AHCTF1: variants seen among roughly 807,000 people sequenced by gnomAD.
AHCTF1 encodes AT-hook containing transcription factor 1.
A neutral mutation model predicts 248.4 loss-of-function variants in AHCTF1; 24 were observed. The ratio of observed to expected loss-of-function variants is 0.10; its 90% CI spans 0.07 to 0.14. AHCTF1 has a LOEUF of 0.14. Ranked by LOEUF, AHCTF1 falls within the 10% of genes least tolerant of loss-of-function variation. The pLI, the probability that AHCTF1 is intolerant of heterozygous loss-of-function variation, is 1.00. For missense variants in AHCTF1, 2,206 were observed against 2,636.2 expected (o/e 0.84, Z 3.57); for synonymous variants, 786 against 929.8 (o/e 0.85, Z 2.81).
chr1:246,931,445 C>A, intron 1 of AHCTF1, 133 bp downstream of exon 1: 1 of 1,184,268 alleles, frequency 8.4e-7, no homozygotes, highest in Non-Finnish European at 1.1e-6. Flanking sequence ...CCGCGCACGC[C>A]CGGCCTAGGC....
At chr1:246,925,718 CTGGGTCA>C (rs1376088557) in intron 1 of AHCTF1, among the ~76,000 whole-genome samples, 1 of 152,106 alleles carries the variant, frequency 6.6e-6, no homozygotes, top group Non-Finnish European at 1.5e-5. Flanking sequence ...TAGGAGGTGT[CTGGGTCA>C]TGGGAGAGGA....
intron 32 of AHCTF1, chr1:246,852,032 C>T (rs1443239104): frequency 6.6e-6 from 1 of 152,656 alleles, no homozygotes; most frequent in Non-Finnish European, 1.5e-5. Context: ...ATGGTCCTTG[C>T]AATTACCTTT....
chr1:246,931,428 G>A lies in AHCTF1; in HGVS notation c.-8+150C>T, dbSNP rs1667351270. 1.6e-5 allele frequency: 22 copies of A among 1,415,714 alleles called. No individual in the cohort carries two copies. In the South Asian group the frequency reaches 1.8e-4, roughly 11 times the overall value. 87.7% of individuals were successfully genotyped at this position (1,415,714 alleles called of 1,614,324 possible). A position where few individuals can be genotyped will look rare whatever the true frequency, so the allele number is the denominator to read the frequency against. ...CCGCTCGCCCCCTCGAGCCCCATCC[G>A]TTGGCCCCGCGCACGCCCGGCCTAG... On this transcript the variant is annotated intron_variant, in intron 1 of 35. Transcript: ENST00000648844.
chr1:246,848,036 C>T (rs1660412986), intron 33 of AHCTF1, among the ~76,000 whole-genome samples: 2 of 152,192 alleles, frequency 1.3e-5, no homozygotes, highest in African/African-American at 4.8e-5. Context: ...GGTCTAACCA[C>T]ACTTTTCTAA....
intron 6 of AHCTF1, among the ~76,000 whole-genome samples, chr1:246,905,039 T>C (rs1665282520): frequency 6.6e-6 from 1 of 152,216 alleles, no homozygotes; most frequent in Non-Finnish European, 1.5e-5. Flanking sequence ...CCGCACAATT[T>C]CTTCTGATAA....
chr1:246,862,220 C>T (rs1210217932), intron 27 of AHCTF1, 67 bp from the exon 28 acceptor site: 29 of 1,217,114 alleles, frequency 2.4e-5, no homozygotes, highest in Non-Finnish European at 3.1e-5. Context: ...GTGGCTCACG[C>T]CTGTAATCCC....
chr1:246,931,376 G>A, intron 1 of AHCTF1: 1 of 1,512,938 alleles, frequency 6.6e-7, no homozygotes, highest in Non-Finnish European at 8.8e-7. Flanking sequence ...CCCGGCGCCC[G>A]CGAGCCTGCC....
At chr1:246,926,701 G>A (rs1278541211) in intron 1 of AHCTF1, among the ~76,000 whole-genome samples, 1 of 151,584 alleles carries the variant, frequency 6.6e-6, no homozygotes, top group South Asian at 2.1e-4. Context: ...ACTAAATACA[G>A]AAAACTAACC....
chr1:246,877,663 G>A (rs1472645254), intron 21 of AHCTF1, among the ~76,000 whole-genome samples: 5 of 152,152 alleles, frequency 3.3e-5, no homozygotes, highest in East Asian at 1.9e-4. Flanking sequence ...GGAAGCGTGC[G>A]AAAGACTGAG....
chr1:246,875,578 T>G (rs114177404), intron 24 of AHCTF1, among the ~76,000 whole-genome samples: 1 of 152,282 alleles, frequency 6.6e-6, no homozygotes, highest in African/African-American at 2.4e-5. Flanking sequence ...GAAGAGTAAA[T>G]TGACATGGCC....
intron 4 of AHCTF1, among the ~76,000 whole-genome samples, chr1:246,911,933 TTTTG>T (rs1665833031): frequency 6.6e-6 from 1 of 152,076 alleles, no homozygotes; most frequent in Non-Finnish European, 1.5e-5. Context: ...CTTGCAGTTT[TTTTG>T]TTTTTGTTTT....
At chr1:246,884,611 T>C (rs1663683823) in intron 21 of AHCTF1, among the ~76,000 whole-genome samples, 2 of 152,254 alleles carry the variant, frequency 1.3e-5, no homozygotes, top group South Asian at 4.1e-4. Flanking sequence ...CCAATAACCA[T>C]ACCACTGTAC....
In AHCTF1 at chr1:246,840,849, A is replaced by T; in HGVS notation, c.6758T>A (p.Leu2253Gln). ...TAAAATTTGCTTTGGATAGGAAGAC[A>T]GTTTCTTTCTGTTCCTTCCAAGACC... ...GTGLGRNRKK[L>Q]SSYPKQILRR... is the part of the protein sequence containing the mutation. The change falls in exon 36 of 36, where the codon CTG becomes CAG. Residue 2253 changes from leucine (L) to glutamine (Q), a missense_variant. Coordinates refer to ENST00000648844, the MANE Select transcript of AHCTF1 (RefSeq NM_001323342.2). 1.9e-6 allele frequency: 3 copies of T among 1,606,014 alleles called. No individual in the cohort carries two copies. The highest frequency in any genetic ancestry group is 2.5e-6 in the Non-Finnish European group (3 of 1,177,962).
chr1:246,892,712 C>T (rs1481329602), intron 14 of AHCTF1, among the ~76,000 whole-genome samples: 1 of 152,118 alleles, frequency 6.6e-6, no homozygotes, highest in East Asian at 1.9e-4. Flanking sequence ...GCTCACTGCA[C>T]TCTCAAACTC....
At position 246,867,250 on chromosome 1, in the gene AHCTF1, AT is replaced by A; in HGVS notation, c.3340del (p.Ile1114PhefsTer5). 2 of 1,583,326 alleles carry A rather than the reference AT, an allele frequency of 1.3e-6. No homozygotes were observed. The highest frequency in any genetic ancestry group is 1.7e-5 in the Admixed American group (1 of 58,412). ...GTPISKASQK[I>X]SRLLDLVVQP... The stretch of plus-strand genomic sequence containing the variant: ...TGATTTAATAAACTCTTACCTAGAA[AT>A]TTTTTGTGATGCTTTTGAAATTGGT... On this transcript the variant is annotated frameshift_variant, in exon 26 of 36. Coordinates refer to ENST00000648844, the MANE Select transcript of AHCTF1 (RefSeq NM_001323342.2). LOFTEE classifies it high-confidence loss of function.
At position 246,861,082 on chromosome 1, in the gene AHCTF1, T is replaced by A. The variant is rs1176334241; in HGVS notation, c.3949A>T (p.Thr1317Ser). 1.2e-6 allele frequency: 2 copies of A among 1,614,122 alleles called. No individual in the cohort carries two copies. Among genetic ancestry groups the A allele is most frequent in the East Asian group, 4.5e-5 (2 of 44,878 alleles). ...NSSVSITSDE[T>S]TLEYQDAPSP... ...GGTGCATCCTGATACTCTAAGGTAG[T>A]CTCATCGGATGTGATTGAAACACTG... Residue 1317 changes from threonine to serine, a missense_variant, in exon 29 of 36, where the codon ACT becomes TCT. Around this residue, in one of 6 missense-constraint regions of AHCTF1, gnomAD observed 955 missense variants for 1,055.6 expected, o/e 0.90. Transcript: ENST00000648844.
At chr1:246,859,583 T>G (rs993379558) in intron 29 of AHCTF1, among the ~76,000 whole-genome samples, 1 of 152,182 alleles carries the variant, frequency 6.6e-6, no homozygotes, top group Non-Finnish European at 1.5e-5. Context: ...ATTTTTTTTC[T>G]TTTTGAGACA....
intron 3 of AHCTF1, among the ~76,000 whole-genome samples, chr1:246,914,554 C>T (rs1049758551): frequency 2.8e-4 from 43 of 152,142 alleles, no homozygotes; most frequent in African/African-American, 9.7e-4. Context: ...AATACTAAAG[C>T]ATATTCAATT....
intron 6 of AHCTF1, 98 bp from the exon 7 acceptor site, chr1:246,904,131 T>C (rs1665215749): frequency 3.0e-6 from 3 of 987,820 alleles, no homozygotes; most frequent in Admixed American, 2.2e-5. Flanking sequence ...GTTGAGTGCA[T>C]GTGACAAAAC....
Sources: allele counts gnomAD v4.1 joint callset (sites outside exome capture counted in the v4.1 genomes callset), GRCh38; gene constraint gnomAD v4.1.1; regional missense constraint gnomAD v4.1.1; transcripts MANE v1.5; gene names NCBI Gene and HGNC (gene_info 2026-07-23, HGNC 2026-07-21).